Variants in GALNT14 observed in about 807,000 individuals in gnomAD.
GALNT14 encodes the protein UDP-GalNAc:polypeptide N-acetylgalactosaminyltransferase 14.
A neutral mutation model predicts 77.5 loss-of-function variants in GALNT14; 60 were observed. The ratio of observed to expected loss-of-function variants is 0.77; its 90% CI spans 0.63 to 0.96. GALNT14 has a LOEUF of 0.96. Among genes scored for constraint, GALNT14 ranks in the 40% least tolerant of loss-of-function variants. GALNT14 has a pLI of 0.00. For missense variants in GALNT14, 710 were observed against 731.0 expected (o/e 0.97, Z 0.33); for synonymous variants, 280 against 281.7 (o/e 0.99, Z 0.06).
the GALNT14 span, among the ~76,000 whole-genome samples, chr2:30,890,304 T>C: frequency 2.6e-5 from 4 of 152,314 alleles, no homozygotes; most frequent in African/African-American, 9.6e-5. Flanking sequence ...CAGTGGGACA[T>C]ACTGAGAAAC....
intron 13 of GALNT14, among the ~76,000 whole-genome samples, chr2:30,922,042 A>G (rs1256617439): frequency 6.6e-6 from 1 of 152,156 alleles, no homozygotes; most frequent in Admixed American, 6.5e-5. Flanking sequence ...GTGCAGGAGA[A>G]AGAAGAGCCA....
chr2:30,986,603 A>G (rs559173673), intron 2 of GALNT14, among the ~76,000 whole-genome samples: 1 of 152,284 alleles, frequency 6.6e-6, no homozygotes, highest in South Asian at 2.1e-4. Flanking sequence ...TTAAAATGTA[A>G]TTGTGGTTTT....
chr2:31,024,630 T>C (rs1176629411), intron 1 of GALNT14, among the ~76,000 whole-genome samples: 2 of 152,202 alleles, frequency 1.3e-5, no homozygotes, highest in East Asian at 1.9e-4. Context: ...TTTTTCTTCA[T>C]AGCATTTGTC....
intron 1 of GALNT14, among the ~76,000 whole-genome samples, chr2:31,115,677 T>C (rs1289959300): frequency 6.6e-6 from 1 of 152,018 alleles, no homozygotes; most frequent in Admixed American, 6.6e-5. Flanking sequence ...TAGTGGAAGG[T>C]AGGGTGAATA....
intron 2 of GALNT14, among the ~76,000 whole-genome samples, chr2:30,978,664 C>G (rs1170195110): frequency 2.6e-5 from 4 of 152,228 alleles, no homozygotes; most frequent in African/African-American, 9.6e-5. Flanking sequence ...GGCACCTGCA[C>G]TCCCAATCCC....
In GALNT14 at chr2:30,942,257, A is replaced by C. The variant is rs1231988701; in HGVS notation, c.875T>G (p.Phe292Cys). The C allele has an allele frequency of 1.2e-6, 2 of 1,614,042 alleles. No individual in the cohort carries two copies. Among genetic ancestry groups the C allele is most frequent in the African/African-American group, 2.7e-5 (2 of 74,916 alleles). Residue 292 changes from phenylalanine to cysteine, a missense_variant, in exon 9 of 15, where the codon TTT becomes TGT. Phe to Cys is a radical substitution (Grantham distance 205). Transcript: ENST00000349752. The stretch of plus-strand genomic sequence containing the variant: ...CATATCATATTTCCCCAGGTAATCA[A>C]ACCAAGCTTTGTCGATCACGAAGAG... ...GGLFVIDKAWFDYLGKYDMDM... is the reference protein window; with the variant it reads ...GGLFVIDKAWCDYLGKYDMDM...
At chr2:30,933,048 C>A (rs1307883837) in intron 9 of GALNT14, among the ~76,000 whole-genome samples, 1 of 152,112 alleles carries the variant, frequency 6.6e-6, no homozygotes, top group African/African-American at 2.4e-5. Context: ...CCCCAGCAGG[C>A]TTGAAGTAGT....
At chr2:31,092,264 CAT>C (rs34314257) in intron 1 of GALNT14, among the ~76,000 whole-genome samples, 73,518 of 146,976 alleles carry the variant, frequency 0.5, 18,510 homozygotes, top group Middle Eastern at 0.58. Flanking sequence ...AACTCCCCTT[CAT>C]ATATATATAT....
chr2:30,888,915 C>G, the GALNT14 span, among the ~76,000 whole-genome samples: 1 of 151,434 alleles, frequency 6.6e-6, no homozygotes, highest in African/African-American at 2.4e-5. Context: ...GTCCCCCCCT[C>G]CACCCCCACC....
chr2:30,991,420 A>G (rs1009053231), intron 2 of GALNT14: 5 of 152,146 alleles, frequency 3.3e-5, no homozygotes, highest in Non-Finnish European at 7.3e-5. Context: ...ATTCTCTCAG[A>G]TGCCAAGGAG....
intron 1 of GALNT14, among the ~76,000 whole-genome samples, chr2:31,111,282 C>T (rs1166410511): frequency 1.3e-5 from 2 of 152,214 alleles, no homozygotes; most frequent in African/African-American, 4.8e-5. Flanking sequence ...AGGACAGGGA[C>T]CTTCCGGGGT....
At chr2:30,966,450 C>T (rs1184394010) in intron 2 of GALNT14, 148 bp from the exon 3 acceptor site, 1 of 601,074 alleles carries the variant, frequency 1.7e-6, no homozygotes, top group Non-Finnish European at 3.0e-6. Context: ...CTAGGTAAGA[C>T]CCCACGGCTT....
chr2:30,963,428 G>T (rs141762530), intron 3 of GALNT14, among the ~76,000 whole-genome samples: 1 of 152,208 alleles, frequency 6.6e-6, no homozygotes, highest in African/African-American at 2.4e-5. Context: ...CATTTAACAC[G>T]GTAATCTTAT....
intron 1 of GALNT14, among the ~76,000 whole-genome samples, chr2:31,120,625 T>C (rs974118602): frequency 2.0e-5 from 3 of 152,164 alleles, no homozygotes; most frequent in African/African-American, 7.2e-5. Context: ...GCCACGATCT[T>C]GGCTCACTGC....
intron 1 of GALNT14, among the ~76,000 whole-genome samples, chr2:31,052,691 C>T (rs1053010222): frequency 1.3e-5 from 2 of 152,174 alleles, no homozygotes; most frequent in African/African-American, 2.4e-5. Flanking sequence ...AGGACAGCAC[C>T]GGCGGCAGGC....
chr2:31,088,436 T>C (rs746551250), intron 1 of GALNT14, among the ~76,000 whole-genome samples: 15 of 152,172 alleles, frequency 9.9e-5, no homozygotes, highest in Non-Finnish European at 1.8e-4. Flanking sequence ...TGAAATGTGC[T>C]TGCCTGATTG....
chr2:31,036,520 TTAGA>T (rs1269738193), intron 1 of GALNT14, among the ~76,000 whole-genome samples: 2 of 152,192 alleles, frequency 1.3e-5, no homozygotes, highest in East Asian at 1.9e-4. Context: ...GTCTTTTAAG[TTAGA>T]TAGGAAAAGC....
intron 1 of GALNT14, among the ~76,000 whole-genome samples, chr2:31,025,430 T>C (rs764341737): frequency 6.6e-6 from 1 of 151,652 alleles, no homozygotes; most frequent in Non-Finnish European, 1.5e-5. Flanking sequence ...CATAGGGAGA[T>C]GGATGGGGAG....
chr2:31,091,028 A>G (rs1558563099), intron 1 of GALNT14, among the ~76,000 whole-genome samples: 1 of 152,196 alleles, frequency 6.6e-6, no homozygotes, highest in Non-Finnish European at 1.5e-5. Context: ...TATGAAGGAC[A>G]ATGCCTTCCT....
Sources: allele counts gnomAD v4.1 joint callset (sites outside exome capture counted in the v4.1 genomes callset), GRCh38; gene constraint gnomAD v4.1.1; transcripts MANE v1.5; gene names NCBI Gene and HGNC (gene_info 2026-07-23, HGNC 2026-07-21).